RPS6KA1: variants seen among roughly 807,000 people sequenced by gnomAD.
RPS6KA1 encodes the protein ribosomal protein S6 kinase alpha-1.
A neutral mutation model predicts 91.3 loss-of-function variants in RPS6KA1; 48 were observed. The observed-to-expected ratio is 0.53, with a 90% CI of 0.42 to 0.67. RPS6KA1 has a LOEUF of 0.67. RPS6KA1 is among the 30% of genes least tolerant of loss of function. The pLI, the probability that RPS6KA1 is intolerant of heterozygous loss-of-function variation, is 0.00. For missense variants in RPS6KA1, 719 were observed against 960.5 expected, an observed-to-expected ratio of 0.75 and a Z score of 3.32; for synonymous variants, 359 against 384.7, an observed-to-expected ratio of 0.93 and a Z score of 0.78.
At chr1:26,568,293 T>C (rs1292802060) in intron 17 of RPS6KA1, among the ~76,000 whole-genome samples, 1 of 152,180 alleles carries the variant, frequency 6.6e-6, no homozygotes. Flanking sequence ...TCCCCCAACA[T>C]ACACTCCTGA....
chr1:26,573,473 G>T, intron 21 of RPS6KA1, 112 bp downstream of exon 21: 2 of 1,254,472 alleles, frequency 1.6e-6, no homozygotes, highest in Non-Finnish European at 2.3e-6. Context: ...ACCATGAGGT[G>T]GAACATAGGA....
Position 26,551,569 on chromosome 1 carries a change from C to A in RPS6KA1, c.389-75C>A. On this transcript the variant is annotated intron_variant, in intron 5 of 21. Coordinates refer to ENST00000374168, the MANE Select transcript of RPS6KA1 (RefSeq NM_002953.4). This position sits in a 1 kb window ranked among gnomAD's most constrained non-coding sequence, Gnocchi z 4.5. Reference sequence around the variant, plus strand: ...ACTGTCCCACCGCCTGCCTGGCAGGCCAAGGGAGCCAGGGCCGGAGAAGCA... The same window carrying A: ...ACTGTCCCACCGCCTGCCTGGCAGGACAAGGGAGCCAGGGCCGGAGAAGCA... The A allele has an allele frequency of 2.5e-6, 4 of 1,598,276 alleles. No individual in the cohort carries two copies. The highest frequency in any genetic ancestry group is 3.4e-6 in the Non-Finnish European group (4 of 1,165,620).
chr1:26,546,020 C>G (rs766077762), intron 2 of RPS6KA1: 9 of 1,611,498 alleles, frequency 5.6e-6, no homozygotes, highest in African/African-American at 1.3e-5. Flanking sequence ...CTGGCTCTGG[C>G]CCCCAGCGGG....
Position 26,554,345 on chromosome 1 carries a change from G to T in RPS6KA1, c.613+94G>T, listed in dbSNP as rs1238535100. On this transcript the variant is annotated intron_variant, in intron 8 of 21. Coordinates refer to ENST00000374168, the MANE Select transcript of RPS6KA1 (RefSeq NM_002953.4). This position sits in a 1 kb window ranked among gnomAD's most constrained non-coding sequence, Gnocchi z 4.6. ...TGAGTGCTGGGGGCTCATTCTTCCCGAGAAGCCGTGCCAGTTACTTGGAAG... is the reference window on the plus strand; with the variant it reads ...TGAGTGCTGGGGGCTCATTCTTCCCTAGAAGCCGTGCCAGTTACTTGGAAG... 5.2e-6 allele frequency: 7 copies of T among 1,345,152 alleles called. No individual in the cohort carries two copies. Among genetic ancestry groups the T allele is most frequent in the Non-Finnish European group, 7.2e-6 (7 of 977,898 alleles). The allele number at this position is 1,345,152 out of a possible 1,614,324, so 83.3% of individuals were successfully genotyped here.
At position 26,554,191 on chromosome 1, in the gene RPS6KA1, T is replaced by C; in HGVS notation, c.576-23T>C. The C allele has an allele frequency of 5.8e-6, 9 of 1,552,312 alleles. No homozygotes were observed. Among genetic ancestry groups the C allele is most frequent in the Non-Finnish European group, 7.0e-6 (8 of 1,147,344 alleles). ...CCACACGGCCACAGCTGAGGGGCCC[T>C]GACCACTATTTCTCTATTACAGCAT... On this transcript the variant is annotated intron_variant, in intron 7 of 21. Transcript: ENST00000374168. This position sits in a 1 kb window ranked among gnomAD's most constrained non-coding sequence, Gnocchi z 4.6.
At position 26,553,798 on chromosome 1, in the gene RPS6KA1, C is replaced by T. The variant is rs1570441617; in HGVS notation, c.575+301C>T. On this transcript the variant is annotated intron_variant, in intron 7 of 21. Coordinates refer to ENST00000374168, the MANE Select transcript of RPS6KA1 (RefSeq NM_002953.4). ...TTGATAAAGCCCTATAGAATTTTCC[C>T]TAATATCTAACTACCCTCAAATGAT... The T allele has an allele frequency of 1.2e-5, 3 of 250,114 alleles. No individual in the cohort carries two copies. In the South Asian group the frequency reaches 2.8e-4, roughly 24 times the overall value. The allele number at this position is 250,114 out of a possible 1,614,324, so 15.5% of individuals were successfully genotyped here. A position where few individuals can be genotyped will look rare whatever the true frequency, so the allele number is the denominator to read the frequency against.
intron 17 of RPS6KA1, among the ~76,000 whole-genome samples, chr1:26,568,761 A>G (rs1364484418): frequency 2.0e-5 from 3 of 152,174 alleles, no homozygotes; most frequent in Admixed American, 1.3e-4. Context: ...AGAAAAATAA[A>G]TTAATTTAAA....
intron 12 of RPS6KA1, 56 bp downstream of exon 12, chr1:26,556,774 A>G: frequency 6.3e-7 from 1 of 1,597,304 alleles, no homozygotes; most frequent in Non-Finnish European, 8.6e-7. Flanking sequence ...TCTTGGCCAC[A>G]GGAAGGGTGG....
intron 17 of RPS6KA1, among the ~76,000 whole-genome samples, chr1:26,563,323 G>A (rs990924553): frequency 6.6e-6 from 1 of 151,822 alleles, no homozygotes; most frequent in Admixed American, 6.6e-5. Flanking sequence ...ACCTCCTTGC[G>A]CTCAAATGAT....
At chr1:26,556,497 C>A (rs2076102669) in intron 11 of RPS6KA1, among the ~76,000 whole-genome samples, 157 bp from the exon 12 acceptor site, 1 of 152,154 alleles carries the variant, frequency 6.6e-6, no homozygotes, top group Admixed American at 6.6e-5. Context: ...GGTGACAGGC[C>A]TTAGGGTGAT....
chr1:26,570,499 A>C (rs544458281), intron 17 of RPS6KA1, among the ~76,000 whole-genome samples: 2 of 152,176 alleles, frequency 1.3e-5, no homozygotes, highest in Non-Finnish European at 2.9e-5. Flanking sequence ...AAAACAAAAC[A>C]AAAAAGCCTT....
Position 26,558,111 on chromosome 1 carries a change from A to T in RPS6KA1, c.1085-696A>T, listed in dbSNP as rs1351298892. 6.6e-6 allele frequency among the ~76,000 whole-genome samples: 1 copy of T among 152,062 alleles called. No individual in the cohort carries two copies. The highest frequency in any genetic ancestry group is 1.5e-5 in the Non-Finnish European group (1 of 68,024). On this transcript the variant is annotated intron_variant, in intron 13 of 21. Transcript: ENST00000374168. This position sits in a 1 kb window ranked among gnomAD's most constrained non-coding sequence, Gnocchi z 4.0. ...TTCTCACTGCACTTGCACGCCTCTG[A>T]TGACAGAGACAGCACTTCTCCAAGC...
Position 26,558,951 on chromosome 1 carries a change from G to A in RPS6KA1, c.1215+14G>A, listed in dbSNP as rs781530252. 9 of 1,604,404 alleles carry A rather than the reference G, an allele frequency of 5.6e-6. No homozygotes were observed. The highest frequency in any genetic ancestry group is 2.2e-5 in the East Asian group (1 of 44,546). On this transcript the variant is annotated intron_variant, in intron 14 of 21. Coordinates refer to ENST00000374168, the MANE Select transcript of RPS6KA1 (RefSeq NM_002953.4). This position sits in a 1 kb window ranked among gnomAD's most constrained non-coding sequence, Gnocchi z 4.0. Reference sequence around the variant, plus strand: ...TCGGTGGTACAGGTGAGGGGGGCAGGGGGCTGCTGCTCCATTATCCTTTTC... The same window carrying A: ...TCGGTGGTACAGGTGAGGGGGGCAGAGGGCTGCTGCTCCATTATCCTTTTC...
chr1:26,533,696 A>G (rs1254192431), intron 1 of RPS6KA1, among the ~76,000 whole-genome samples: 1 of 152,152 alleles, frequency 6.6e-6, no homozygotes, highest in Admixed American at 6.5e-5. Flanking sequence ...AAAGAGTGAA[A>G]CTGTCTCAAA....
chr1:26,547,248 G>C lies in RPS6KA1; in HGVS notation c.285G>C (p.Val95=). The C allele has an allele frequency of 6.2e-7, 1 of 1,613,954 alleles. No homozygotes were observed. Among genetic ancestry groups the C allele is most frequent in the Non-Finnish European group, 8.5e-7 (1 of 1,179,986 alleles). The change falls in exon 4 of 22, where the codon GTG becomes GTC. Residue 95 remains valine (V), a synonymous_variant. Coordinates refer to ENST00000374168, the MANE Select transcript of RPS6KA1 (RefSeq NM_002953.4). The surrounding 1 kb of genome is among the most constrained non-coding windows in gnomAD (Gnocchi z 4.1). ...PDSGHLYAMK[V]LKKATLKVRD... ...GTGGGCACCTGTATGCTATGAAGGT[G>C]CTGAAGAAGGCAACGCTGAAAGGTG... is the stretch of plus-strand genomic sequence containing the variant.
At chr1:26,534,452 T>C (rs1383705113) in intron 1 of RPS6KA1, among the ~76,000 whole-genome samples, 1 of 152,046 alleles carries the variant, frequency 6.6e-6, no homozygotes, top group Non-Finnish European at 1.5e-5. Flanking sequence ...TCAGTCCTGA[T>C]AAAAGATCAG....
At position 26,558,999 on chromosome 1, in the gene RPS6KA1, GCT is replaced by G; in HGVS notation, c.1215+65_1215+66del. 1 of 1,567,214 alleles carries G rather than the reference GCT, an allele frequency of 6.4e-7. No individual in the cohort carries two copies. ...TTCTAAAGAATGGCTGAGTACACAG[GCT>G]CTGAGTTGGACAGAACCAGGTTCAT... is the stretch of plus-strand genomic sequence containing the variant. On this transcript the variant is annotated intron_variant, in intron 14 of 21. Coordinates refer to ENST00000374168, the MANE Select transcript of RPS6KA1 (RefSeq NM_002953.4). This position sits in a 1 kb window ranked among gnomAD's most constrained non-coding sequence, Gnocchi z 4.0.
In RPS6KA1 at chr1:26,555,315, C is replaced by A. The variant is rs897641; in HGVS notation, c.827+94C>A. ...TATTATTACCCTGTCCCTGCCTCAG[C>A]TACCCTCTCTAATGAGACTCTCCTC... On this transcript the variant is annotated intron_variant, in intron 10 of 21. Transcript: ENST00000374168. This position sits in a 1 kb window ranked among gnomAD's most constrained non-coding sequence, Gnocchi z 4.3. The A allele has an allele frequency of 0.32, 392,966 of 1,242,058 alleles. 70,528 individuals carry two copies. Among genetic ancestry groups the A allele is most frequent in the East Asian group, 0.74 (30,365 of 40,952 alleles). The allele number at this position is 1,242,058 out of a possible 1,614,324, so 76.9% of individuals were successfully genotyped here.
intron 2 of RPS6KA1, among the ~76,000 whole-genome samples, chr1:26,541,053 G>C (rs2075943132): frequency 6.6e-6 from 1 of 151,958 alleles, no homozygotes; most frequent in Admixed American, 6.6e-5. Context: ...GTCTCCCAAA[G>C]TGCTGGGATT....
Sources: gnomAD v4.1 joint callset for allele counts (sites outside exome capture counted in the v4.1 genomes callset) on GRCh38, gnomAD v4.1.1 for gene constraint, Gnocchi (gnomAD v3.1) non-coding constraint, MANE v1.5 for transcripts, NCBI Gene and HGNC (gene_info 2026-07-23, HGNC 2026-07-21) for gene names.